Variants in ATAD2B observed in about 807,000 individuals in gnomAD.
The protein encoded by ATAD2B is ATPase family AAA domain-containing protein 2B.
A neutral mutation model predicts 167.6 loss-of-function variants in ATAD2B; 40 were observed. The ratio of observed to expected loss-of-function variants is 0.24; its 90% CI spans 0.19 to 0.31. The LOEUF (loss-of-function observed/expected upper bound fraction) is 0.31, where lower values mean the gene tolerates loss of function less well. ATAD2B is among the 10% of genes least tolerant of loss of function. The pLI, the probability that ATAD2B is intolerant of heterozygous loss-of-function variation, is 1.00. For missense variants in ATAD2B, 1,242 were observed against 1,757.2 expected, an observed-to-expected ratio of 0.71 and a Z score of 5.24; for synonymous variants, 579 against 596.5, an observed-to-expected ratio of 0.97 and a Z score of 0.43.
In ATAD2B at chr2:23,926,552, T is replaced by C. The variant is rs1416165447; in HGVS notation, c.216+3A>G. ...CTCCGGACTCGGGACGCCGCGCTCT[T>C]ACCCTGGCCTCATCCAGAGTGACGC... On this transcript the variant is annotated splice_donor_region_variant and intron_variant, in intron 1 of 27. Transcript: ENST00000238789. 6.5e-7 allele frequency: 1 copy of C among 1,546,988 alleles called. No individual in the cohort carries two copies. The highest frequency in any genetic ancestry group is 8.7e-7 in the Non-Finnish European group (1 of 1,147,824).
intron 18 of ATAD2B, among the ~76,000 whole-genome samples, chr2:23,798,847 C>T (rs987292112): frequency 2.0e-5 from 3 of 152,182 alleles, no homozygotes; most frequent in African/African-American, 7.2e-5. Context: ...AACAGTCATT[C>T]ACCTCCTCCC....
chr2:23,871,373 G>A (rs893517835), intron 8 of ATAD2B, among the ~76,000 whole-genome samples: 3 of 151,936 alleles, frequency 2.0e-5, no homozygotes, highest in African/African-American at 7.3e-5. Flanking sequence ...AAAATTCAAT[G>A]GCCTACTTTT....
At chr2:23,878,025 A>AAAAAAAAAG (rs1558714060) in intron 7 of ATAD2B, among the ~76,000 whole-genome samples, 21 of 106,954 alleles carry the variant, frequency 2.0e-4, no homozygotes, top group South Asian at 9.1e-4. Context: ...AAAAAAAAAA[A>AAAAAAAAAG]AAAAAAAAAA....
the ATAD2B span, among the ~76,000 whole-genome samples, chr2:23,683,887 G>T: frequency 6.6e-6 from 1 of 152,168 alleles, no homozygotes; most frequent in Non-Finnish European, 1.5e-5. Flanking sequence ...CCACGCCATG[G>T]CTGTGAGTGT....
rs199842019 is a variant in ATAD2B, at chr2:23,769,711, G to GATTTTTTTTTTTTTTTTTTTTTTT, written c.3134-4084_3134-4083insAAAAAAAAAAAAAAAAAAAAAAAT. On this transcript the variant is annotated intron_variant, in intron 22 of 27. Coordinates refer to ENST00000238789, the MANE Select transcript of ATAD2B (RefSeq NM_017552.4). ...AAGTGTTTAATGGTGTCTCACTGTG[G>GATTTTTTTTTTTTTTTTTTTTTTT]GTTTTTTTTTTTTTTTTTTTTTGAG... Among the ~76,000 whole-genome samples the GATTTTTTTTTTTTTTTTTTTTTTT allele has an allele frequency of 2.3e-5, 3 of 129,836 alleles. 1 individual carries two copies. The highest frequency in any genetic ancestry group is 3.3e-5 in the Non-Finnish European group (2 of 60,084). 85.2% of individuals were successfully genotyped at this position (129,836 alleles called of 152,430 possible).
chr2:23,775,514 G>A (rs1411894665), intron 22 of ATAD2B, among the ~76,000 whole-genome samples: 2 of 152,030 alleles, frequency 1.3e-5, no homozygotes, highest in African/African-American at 2.4e-5. Context: ...GCCCAGCCGG[G>A]TAGGTGAAAT....
chr2:23,836,089 G>A (rs780104623), intron 13 of ATAD2B, among the ~76,000 whole-genome samples: 1 of 152,092 alleles, frequency 6.6e-6, no homozygotes, highest in Non-Finnish European at 1.5e-5. Context: ...ACCTGACTGC[G>A]CTCGGCTCAC....
At chr2:23,754,830 C>A in intron 25 of ATAD2B, 56 bp from the exon 26 acceptor site, 1 of 1,539,092 alleles carries the variant, frequency 6.5e-7, no homozygotes, top group Non-Finnish European at 8.8e-7. Context: ...AAAAACCAGT[C>A]TTAAGCAGTT....
intron 1 of ATAD2B, among the ~76,000 whole-genome samples, chr2:23,925,362 C>G (rs541518499): frequency 6.6e-6 from 1 of 152,310 alleles, no homozygotes; most frequent in Admixed American, 6.5e-5. Flanking sequence ...GTAAAATATT[C>G]CTGTCTCTGC....
At position 23,781,430 on chromosome 2, in the gene ATAD2B, C is replaced by T. The variant is rs149319261; in HGVS notation, c.3133+1439G>A. On this transcript the variant is annotated intron_variant, in intron 22 of 27. Transcript: ENST00000238789. ...CTGTAATCCCAGCACTTTGGGAGAC[C>T]GAGGCTGGCAGACCACTTGAGATTA... Among the ~76,000 whole-genome samples the T allele has an allele frequency of 2.0e-4, 30 of 152,126 alleles. No homozygotes were observed. The East Asian group carries it at 5.8e-3, about 29-fold the overall frequency.
At chr2:23,788,937 GC>G (rs3217267) in intron 19 of ATAD2B, among the ~76,000 whole-genome samples, 68,249 of 151,732 alleles carry the variant, frequency 0.45, 16,211 homozygotes, top group East Asian at 0.77. Flanking sequence ...GTAACAGATG[GC>G]AACAATCTCA....
chr2:23,741,193 A>G, the ATAD2B span, among the ~76,000 whole-genome samples: 1 of 151,924 alleles, frequency 6.6e-6, no homozygotes, highest in Non-Finnish European at 1.5e-5. Context: ...ACAGAATTGG[A>G]AAAAACTACT....
intron 8 of ATAD2B, 84 bp downstream of exon 8, chr2:23,875,745 T>A: frequency 1.1e-6 from 1 of 879,334 alleles, no homozygotes; most frequent in South Asian, 1.5e-5. Flanking sequence ...GGATGACAAC[T>A]GTTAGTCACT....
At chr2:23,768,490 G>C (rs1162935795) in intron 22 of ATAD2B, among the ~76,000 whole-genome samples, 1 of 151,798 alleles carries the variant, frequency 6.6e-6, no homozygotes, top group Non-Finnish European at 1.5e-5. Context: ...AGGATCGCTT[G>C]AGCCCAAGGG....
chr2:23,715,385 G>A, the ATAD2B span, among the ~76,000 whole-genome samples: 1 of 152,010 alleles, frequency 6.6e-6, no homozygotes, highest in South Asian at 2.1e-4. Context: ...CATCCTGGCT[G>A]ACATGGTGAA....
intron 7 of ATAD2B, among the ~76,000 whole-genome samples, chr2:23,878,535 T>G (rs1697388316): frequency 1.3e-5 from 2 of 151,788 alleles, no homozygotes; most frequent in South Asian, 4.2e-4. Context: ...GGCAGGCGCC[T>G]GTAGTCCCAG....
intron 19 of ATAD2B, among the ~76,000 whole-genome samples, chr2:23,790,041 C>T (rs1558535813): frequency 1.3e-5 from 2 of 152,136 alleles, no homozygotes; most frequent in African/African-American, 2.4e-5. Context: ...CACCTTGTGT[C>T]GTTCCAGTGC....
chr2:23,755,425 C>T (rs1057244044), intron 25 of ATAD2B, among the ~76,000 whole-genome samples: 1 of 152,120 alleles, frequency 6.6e-6, no homozygotes, highest in Non-Finnish European at 1.5e-5. Context: ...ACTAAACAAA[C>T]AGAAATTTTA....
At chr2:23,811,916 C>G (rs1685657952) in intron 17 of ATAD2B, among the ~76,000 whole-genome samples, 2 of 151,688 alleles carry the variant, frequency 1.3e-5, no homozygotes, top group Admixed American at 1.3e-4. Context: ...ACAACAAAAA[C>G]TAACTGTTAC....
Sources: allele counts gnomAD v4.1 joint callset (sites outside exome capture counted in the v4.1 genomes callset), GRCh38; gene constraint gnomAD v4.1.1; transcripts MANE v1.5; gene names NCBI Gene and HGNC (gene_info 2026-07-23, HGNC 2026-07-21).